The following MEOX2 variants were observed in gnomAD, a reference collection of about 807,000 sequenced individuals.
The protein encoded by MEOX2 is mesenchyme homeobox 2.
In MEOX2, 11 loss-of-function variants were observed where a neutral mutation model predicts 27.0. That is an observed-to-expected ratio of 0.41 (90% confidence interval 0.26 to 0.68). MEOX2 has a LOEUF of 0.68. Ranked by LOEUF, MEOX2 falls within the 30% of genes least tolerant of loss-of-function variation. MEOX2 has a pLI of 0.33. For synonymous variants in MEOX2, 189 were observed against 155.4 expected (o/e 1.22, Z -1.61); for missense variants, 436 against 385.4 (o/e 1.13, Z -1.10).
intron 1 of MEOX2, among the ~76,000 whole-genome samples, chr7:15,655,480 C>A (rs920845476): frequency 5.3e-5 from 8 of 151,506 alleles, no homozygotes; most frequent in South Asian, 4.1e-4. Flanking sequence ...TGTTCTGAAA[C>A]CTTTTCTGTT....
Position 15,686,557 on chromosome 7 carries a change from T to A in MEOX2, c.-155A>T. 1.4e-6 allele frequency: 1 copy of A among 701,800 alleles called. No individual in the cohort carries two copies. Among genetic ancestry groups the A allele is most frequent in the Non-Finnish European group, 2.3e-6 (1 of 427,642 alleles). The allele number at this position is 701,800 out of a possible 1,614,324, so 43.5% of individuals were successfully genotyped here. ...TGCAGAGCTCGGATAATCCCGGTCC[T>A]GAGCCCCAGCGGCCAGTCTCCTTTA... On this transcript the variant is annotated 5_prime_UTR_variant, in exon 1 of 3. Coordinates refer to ENST00000262041, the MANE Select transcript of MEOX2 (RefSeq NM_005924.5).
chr7:15,664,904 T>G (rs1025047693), intron 1 of MEOX2, among the ~76,000 whole-genome samples: 2 of 152,170 alleles, frequency 1.3e-5, no homozygotes, highest in Non-Finnish European at 2.9e-5. Context: ...TATTAAATAC[T>G]TTATCTTGGA....
chr7:15,613,452 T>G (rs963721071), intron 2 of MEOX2, among the ~76,000 whole-genome samples: 1 of 151,660 alleles, frequency 6.6e-6, no homozygotes, highest in East Asian at 1.9e-4. Context: ...TAGAATATAA[T>G]TGGCATTATT....
chr7:15,637,400 C>T lies in MEOX2; in HGVS notation c.518-10482G>A, dbSNP rs900599105. On this transcript the variant is annotated intron_variant, in intron 1 of 2. Coordinates refer to ENST00000262041, the MANE Select transcript of MEOX2 (RefSeq NM_005924.5). ...TAGATATTAGATAGCATTCAGTATT[C>T]CATTACATGGTGGAGAGAAAGGGAC... 3.9e-5 allele frequency among the ~76,000 whole-genome samples: 6 copies of T among 152,044 alleles called. No individual in the cohort carries two copies. The East Asian group carries it at 7.7e-4, about 20-fold the overall frequency.
At chr7:15,661,146 ATAT>A (rs1169364336) in intron 1 of MEOX2, among the ~76,000 whole-genome samples, 3 of 152,112 alleles carry the variant, frequency 2.0e-5, no homozygotes, top group Non-Finnish European at 4.4e-5. Flanking sequence ...GTTAAGGGAA[ATAT>A]TAAACAGTTG....
At chr7:15,675,591 A>C (rs1217744445) in intron 1 of MEOX2, among the ~76,000 whole-genome samples, 1 of 152,202 alleles carries the variant, frequency 6.6e-6, no homozygotes, top group Non-Finnish European at 1.5e-5. Context: ...ACATTACTTA[A>C]CTTCTCTGGG....
rs1781042989 is a variant in MEOX2, at chr7:15,612,154, A to G, written c.*233T>C. On this transcript the variant is annotated 3_prime_UTR_variant, in exon 3 of 3. Coordinates refer to ENST00000262041, the MANE Select transcript of MEOX2 (RefSeq NM_005924.5). ...CTCACTGCCATACGCACGACCAAAC[A>G]CATCTGGAATATTCAAAGCAAGTTC... The G allele has an allele frequency of 5.3e-6, 3 of 561,562 alleles. No individual in the cohort carries two copies. The highest frequency in any genetic ancestry group is 2.3e-5 in the South Asian group (1 of 43,718). 34.8% of individuals were successfully genotyped at this position (561,562 alleles called of 1,614,324 possible).
Position 15,626,001 on chromosome 7 carries a change from G to T in MEOX2, c.690+745C>A, listed in dbSNP as rs76012589. ...CAATTTCAAAAATATTTTGGGTAAA[G>T]GGGCAGAAATATTTACCAATGATCT... On this transcript the variant is annotated intron_variant, in intron 2 of 2. Transcript: ENST00000262041. Among the ~76,000 whole-genome samples, 267 of 152,240 alleles carry T rather than the reference G, an allele frequency of 1.8e-3. 3 individuals are homozygous for T. In the East Asian group the frequency reaches 0.019, roughly 11 times the overall value.
intron 1 of MEOX2, among the ~76,000 whole-genome samples, chr7:15,658,968 T>G (rs1225761574): frequency 2.6e-5 from 4 of 152,202 alleles, no homozygotes; most frequent in Admixed American, 1.3e-4. Context: ...CAGAAATTCC[T>G]TATGTTCGTT....
At chr7:15,666,562 G>T in intron 1 of MEOX2, among the ~76,000 whole-genome samples, 1 of 151,404 alleles carries the variant, frequency 6.6e-6, no homozygotes, top group Middle Eastern at 3.4e-3. Context: ...GACCAGCCTG[G>T]GCAACACGGT....
chr7:15,623,984 G>A (rs1781258449), intron 2 of MEOX2, among the ~76,000 whole-genome samples: 2 of 152,244 alleles, frequency 1.3e-5, no homozygotes, highest in South Asian at 4.1e-4. Context: ...TTTCCCACCT[G>A]GGTGATAATT....
In MEOX2 at chr7:15,612,543, C is replaced by G. The variant is rs755958618; in HGVS notation, c.759G>C (p.Ala253=). The G allele has an allele frequency of 1.1e-5, 18 of 1,614,032 alleles. No homozygotes were observed. Among genetic ancestry groups the G allele is most frequent in the Non-Finnish European group, 1.5e-5 (18 of 1,180,042 alleles). Residue 253 remains alanine (A), a synonymous_variant, in exon 3 of 3, where the codon GCG becomes GCC. Transcript: ENST00000262041. ...CATTCACCAGTTCCTTTTCCCGAGC[C>G]GCAGCTCCTTGCTGTCCACCCTTTA... ...KRVKGGQQGA[A]AREKELVNVK... is the part of the protein sequence containing the mutation.
intron 2 of MEOX2, among the ~76,000 whole-genome samples, chr7:15,620,250 T>C (rs1781199694): frequency 6.6e-6 from 1 of 152,168 alleles, no homozygotes; most frequent in South Asian, 2.1e-4. Flanking sequence ...TCCTATATAC[T>C]GCTGTAAAGA....
intron 1 of MEOX2, among the ~76,000 whole-genome samples, chr7:15,637,225 C>T (rs1020565495): frequency 2.6e-5 from 4 of 151,922 alleles, no homozygotes; most frequent in South Asian, 2.1e-4. Flanking sequence ...AATGATACGG[C>T]ATTAAGTTTC....
chr7:15,620,437 G>A (rs1359314635), intron 2 of MEOX2, among the ~76,000 whole-genome samples: 1 of 152,040 alleles, frequency 6.6e-6, no homozygotes, highest in Admixed American at 6.6e-5. Flanking sequence ...GCGTGGTAGC[G>A]GGCTCCTGTA....
At chr7:15,658,311 A>T (rs562083659) in intron 1 of MEOX2, among the ~76,000 whole-genome samples, 1 of 152,210 alleles carries the variant, frequency 6.6e-6, no homozygotes, top group South Asian at 2.1e-4. Flanking sequence ...TAGGCTGTTC[A>T]CTCAGCCTTC....
intron 2 of MEOX2, among the ~76,000 whole-genome samples, chr7:15,621,117 C>A (rs936810267): frequency 2.0e-5 from 3 of 152,112 alleles, no homozygotes; most frequent in African/African-American, 7.2e-5. Flanking sequence ...ACTGGAGAGC[C>A]TTTAGACTGA....
intron 1 of MEOX2, among the ~76,000 whole-genome samples, chr7:15,674,383 G>A (rs1353704893): frequency 6.6e-6 from 1 of 152,056 alleles, no homozygotes; most frequent in East Asian, 1.9e-4. Context: ...AGTAGGCAAA[G>A]GGGAAAAATA....
At chr7:15,623,029 T>C (rs1387790716) in intron 2 of MEOX2, among the ~76,000 whole-genome samples, 6 of 152,192 alleles carry the variant, frequency 3.9e-5, no homozygotes, top group Non-Finnish European at 8.8e-5. Context: ...CCTCCAGAAC[T>C]GTGAGAAATA....
Sources: allele counts gnomAD v4.1 joint callset (sites outside exome capture counted in the v4.1 genomes callset), GRCh38; gene constraint gnomAD v4.1.1; transcripts MANE v1.5; gene names NCBI Gene and HGNC (gene_info 2026-07-23, HGNC 2026-07-21).